NRG4: variants seen among roughly 807,000 people sequenced by gnomAD.
NRG4 encodes the protein pro-neuregulin-4, membrane-bound isoform.
NRG4 carries 10 observed loss-of-function variants against 15.0 expected under a neutral mutation model. The ratio of observed to expected loss-of-function variants is 0.67; its 90% CI spans 0.41 to 1.13. The LOEUF is 1.13. Among genes scored for constraint, NRG4 ranks in the 50% most tolerant of loss-of-function variants. The probability of loss-of-function intolerance (pLI) is 0.00; values close to 1 mark genes in which losing one functional copy is unlikely to be tolerated. For synonymous variants in NRG4, 41 were observed against 50.1 expected (o/e 0.82, Z 0.77); for missense variants, 139 against 140.2 (o/e 0.99, Z 0.04).
chr15:76,022,587 T>C (rs897342370), intron 5 of NRG4, among the ~76,000 whole-genome samples: 2 of 152,202 alleles, frequency 1.3e-5, no homozygotes, highest in South Asian at 4.1e-4. Context: ...AAGGAAGATC[T>C]AATGTATTCA....
intron 5 of NRG4, among the ~76,000 whole-genome samples, chr15:76,026,624 A>G (rs999834830): frequency 2.7e-4 from 41 of 152,328 alleles, no homozygotes; most frequent in African/African-American, 7.7e-4. Context: ...GAACTGATAT[A>G]CAAAGGAGAA....
chr15:76,004,675 C>CA (rs547786880), intron 3 of NRG4, among the ~76,000 whole-genome samples: 1 of 148,060 alleles, frequency 6.8e-6, no homozygotes, highest in Non-Finnish European at 1.5e-5. Context: ...TAGAAAATAA[C>CA]AAAAAAGTGA....
intron 1 of NRG4, among the ~76,000 whole-genome samples, chr15:76,058,263 T>A: frequency 6.6e-6 from 1 of 152,200 alleles, no homozygotes; most frequent in East Asian, 1.9e-4. Flanking sequence ...TAGTCCACAT[T>A]TCTTCCGTCT....
At position 75,943,474 on chromosome 15, in the gene NRG4, GCA is replaced by G. The variant is rs1037551834; in HGVS notation, c.*162_*163del. 8.4e-6 allele frequency: 5 copies of G among 597,532 alleles called. No homozygotes were observed. Among genetic ancestry groups the G allele is most frequent in the Non-Finnish European group, 1.5e-5 (5 of 337,600 alleles). The allele number at this position is 597,532 out of a possible 1,614,324, so 37.0% of individuals were successfully genotyped here. On this transcript the variant is annotated 3_prime_UTR_variant, in exon 6 of 6. Coordinates refer to ENST00000394907, the MANE Select transcript of NRG4 (RefSeq NM_138573.4). ...CGATGGACTGATGCACATTACAGAA[GCA>G]CACACACCTTGCAGCAGAATGGATT...
rs1264465196 is a variant in NRG4 at position 76,052,790 on chromosome 15, A to T, written c.-216+148T>A. The T allele has an allele frequency of 2.6e-5, 4 of 151,298 alleles. 1 individual carries two copies. In the South Asian group the frequency reaches 6.2e-4, roughly 24 times the overall value. The allele number at this position is 151,298 out of a possible 1,614,324, so 9.4% of individuals were successfully genotyped here. On this transcript the variant is annotated intron_variant, in intron 3 of 8. Coordinates refer to the NRG4 transcript ENST00000563910. ...TATATCAAAGTGGCATATATTAAAA[A>T]TACGAATTTGTATTCCAGTCAATAG...
At chr15:76,057,182 T>C (rs1300012662) in intron 1 of NRG4, 2 of 151,438 alleles carry the variant, frequency 1.3e-5, no homozygotes, top group Non-Finnish European at 2.9e-5. Flanking sequence ...AGCTCTAGGA[T>C]TCCCCCACCC....
intron 5 of NRG4, among the ~76,000 whole-genome samples, chr15:75,954,336 T>A (rs78167349): frequency 0.039 from 5,918 of 151,876 alleles, 207 homozygotes; most frequent in African/African-American, 0.093. Context: ...TAAAAATATA[T>A]CTTCCATGTT....
chr15:75,938,675 G>T (rs2030622741), downstream of NRG4: 1 of 152,140 alleles, frequency 6.6e-6, no homozygotes, highest in African/African-American at 2.4e-5. Flanking sequence ...GTAGAAGAAA[G>T]AATCAGCAAA....
intron 3 of NRG4, among the ~76,000 whole-genome samples, chr15:76,003,103 T>C (rs758100571): frequency 1.1e-4 from 16 of 152,204 alleles, no homozygotes; most frequent in Non-Finnish European, 2.1e-4. Context: ...AGGAACAAAA[T>C]TGTAAAGAGT....
upstream of NRG4, among the ~76,000 whole-genome samples, chr15:76,013,284 AC>A (rs1303081267): frequency 6.6e-6 from 1 of 151,982 alleles, no homozygotes; most frequent in Non-Finnish European, 1.5e-5. Flanking sequence ...CTGAGATTGC[AC>A]CACTGCACTC....
At chr15:76,007,644 T>A (rs2034655797) in intron 3 of NRG4, among the ~76,000 whole-genome samples, 1 of 152,134 alleles carries the variant, frequency 6.6e-6, no homozygotes, top group African/African-American at 2.4e-5. Context: ...TTAGCCAGGG[T>A]GGTCTCGATC....
chr15:76,003,194 G>T (rs1227717063), intron 3 of NRG4, among the ~76,000 whole-genome samples: 1 of 152,028 alleles, frequency 6.6e-6, no homozygotes, highest in African/African-American at 2.4e-5. Context: ...TGAAAATTGA[G>T]CAATACACTT....
chr15:76,031,677 G>A (rs371739204), intron 5 of NRG4, among the ~76,000 whole-genome samples: 17 of 152,116 alleles, frequency 1.1e-4, no homozygotes, highest in East Asian at 9.7e-4. Flanking sequence ...CAGCCTGGGC[G>A]ACAGAGCAAG....
At chr15:76,045,764 G>T (rs1232552626) in intron 4 of NRG4, among the ~76,000 whole-genome samples, 2 of 150,618 alleles carry the variant, frequency 1.3e-5, no homozygotes, top group East Asian at 3.8e-4. Context: ...TGGAAAGATG[G>T]TTACCAGAGG....
intron 3 of NRG4, among the ~76,000 whole-genome samples, chr15:75,978,657 A>G (rs2033470809): frequency 6.6e-6 from 1 of 152,144 alleles, no homozygotes. Flanking sequence ...TTCATTCCCA[A>G]TAGTGTACTA....
At chr15:76,059,401 C>T (rs2043909579) in intron 1 of NRG4, among the ~76,000 whole-genome samples, 2 of 152,206 alleles carry the variant, frequency 1.3e-5, no homozygotes, top group African/African-American at 4.8e-5. Context: ...CCGGGCGCCC[C>T]GCGCGGATGA....
intron 3 of NRG4, among the ~76,000 whole-genome samples, chr15:75,996,261 C>A (rs2034210945): frequency 6.6e-6 from 1 of 152,054 alleles, no homozygotes; most frequent in Admixed American, 6.5e-5. Flanking sequence ...AGATGAGATC[C>A]CTCACAATGT....
At chr15:75,995,246 C>T (rs987497110) in intron 3 of NRG4, among the ~76,000 whole-genome samples, 4 of 152,052 alleles carry the variant, frequency 2.6e-5, no homozygotes, top group African/African-American at 2.4e-5. Flanking sequence ...TATCTTGGCT[C>T]ATGCTTCTGG....
chr15:75,986,473 C>A (rs2033805694), intron 3 of NRG4, among the ~76,000 whole-genome samples: 1 of 151,972 alleles, frequency 6.6e-6, no homozygotes, highest in Non-Finnish European at 1.5e-5. Context: ...TACTATGTAG[C>A]TATAGTGAAG....
Sources: gnomAD v4.1 joint callset for allele counts (sites outside exome capture counted in the v4.1 genomes callset) on GRCh38, gnomAD v4.1.1 for gene constraint, MANE v1.5 for transcripts, NCBI Gene and HGNC (gene_info 2026-07-23, HGNC 2026-07-21) for gene names.